The following PRRC2C variants were observed in gnomAD, a reference collection of about 807,000 sequenced individuals.
The protein encoded by PRRC2C is protein PRRC2C.
PRRC2C carries 72 observed loss-of-function variants against 317.2 expected under a neutral mutation model. The ratio of observed to expected loss-of-function variants is 0.23; its 90% confidence interval spans 0.19 to 0.28. The LOEUF (loss-of-function observed/expected upper bound fraction) is 0.28, where lower values mean the gene tolerates loss of function less well. Ranked by LOEUF, PRRC2C falls within the 10% of genes least tolerant of loss-of-function variation. The probability of loss-of-function intolerance (pLI) is 1.00; values close to 1 mark genes in which losing one functional copy is unlikely to be tolerated. For missense variants in PRRC2C, 3,074 were observed against 3,459.7 expected (o/e 0.89, Z 2.80); for synonymous variants, 1,296 against 1,205.9 (o/e 1.07, Z -1.55).
At chr1:171,569,595 G>GATATATATATATATATATATATATATT (rs1558024246) in intron 23 of PRRC2C, among the ~76,000 whole-genome samples, 1 of 25,598 alleles carries the variant, frequency 3.9e-5, no homozygotes, top group Non-Finnish European at 9.1e-5. Flanking sequence ...TATATATATG[G>GATATATATATATATATATATATATATT]TTTTTTTTTT....
At chr1:171,563,430 A>G (rs1052536787) in intron 20 of PRRC2C, among the ~76,000 whole-genome samples, 2 of 152,182 alleles carry the variant, frequency 1.3e-5, no homozygotes, top group African/African-American at 4.8e-5. Context: ...ACAACCATTT[A>G]TAATTTTTTT....
At position 171,566,809 on chromosome 1, in the gene PRRC2C, C is replaced by T. The variant is rs1162590172; in HGVS notation, c.6524C>T (p.Ser2175Leu). ...TCTACTGAAATAGGAACAATGATCT[C>T]GGTATCATCTGCAGAATATGGTACT... is the stretch of plus-strand genomic sequence containing the variant. ...EMSTEIGTMI[S>L]VSSAEYGTNA... The change falls in exon 22 of 35, where the codon TCG (serine) becomes TTG (leucine). Residue 2175 changes from serine (S) to leucine (L), a missense_variant. By Grantham distance (145) the Ser-to-Leu change is moderately radical. Coordinates refer to ENST00000647382, the MANE Select transcript of PRRC2C (RefSeq NM_001387844.1). The T allele has an allele frequency of 4.3e-6, 7 of 1,613,422 alleles. No homozygotes were observed. The highest frequency in any genetic ancestry group is 3.4e-6 in the Non-Finnish European group (4 of 1,179,814).
chr1:171,571,693 A>G (rs1400049389), intron 24 of PRRC2C, among the ~76,000 whole-genome samples: 1 of 152,134 alleles, frequency 6.6e-6, no homozygotes, highest in Non-Finnish European at 1.5e-5. Flanking sequence ...TGTTTGTGTT[A>G]AGTTCCTCCC....
intron 24 of PRRC2C, among the ~76,000 whole-genome samples, chr1:171,572,787 G>A (rs1685006944): frequency 6.6e-6 from 1 of 152,126 alleles, no homozygotes; most frequent in African/African-American, 2.4e-5. Context: ...TTTTAAGCCA[G>A]TATTTATTTC....
chr1:171,518,661 C>CT (rs386368727), intron 6 of PRRC2C, among the ~76,000 whole-genome samples: 9,265 of 58,076 alleles, frequency 0.16, 1,355 homozygotes, highest in Middle Eastern at 0.31. Context: ...CCACACCTGG[C>CT]TTTTTTTTTT....
At chr1:171,553,921 TAGTG>T (rs1228814964) in intron 18 of PRRC2C, among the ~76,000 whole-genome samples, 1 of 152,220 alleles carries the variant, frequency 6.6e-6, no homozygotes, top group East Asian at 1.9e-4. Context: ...TGTGATGTGA[TAGTG>T]AGAAGAATGT....
At chr1:171,545,964 A>G (rs971280714) in intron 17 of PRRC2C, among the ~76,000 whole-genome samples, 17 of 152,338 alleles carry the variant, frequency 1.1e-4, no homozygotes, top group Admixed American at 6.5e-4. Flanking sequence ...AAAGAGGAAG[A>G]AAATTCAGTA....
chr1:171,503,517 C>A (rs2102161726), intron 1 of PRRC2C, among the ~76,000 whole-genome samples: 1 of 150,916 alleles, frequency 6.6e-6, no homozygotes, highest in Non-Finnish European at 1.5e-5. Context: ...GAGTGAGACT[C>A]CATCTCAAAA....
In PRRC2C at chr1:171,561,014, C is replaced by G. The variant is rs755311567; in HGVS notation, c.6032-4C>G. The G allele has an allele frequency of 1.3e-6, 2 of 1,579,786 alleles. No homozygotes were observed. The highest frequency in any genetic ancestry group is 3.3e-5 in the Admixed American group (2 of 59,956). ...TCATGTTTTTTATGGCTTCTTCTTT[C>G]CAGTAGGTCCCATTAGTCCACCACA... On this transcript the variant is annotated splice_polypyrimidine_tract_variant and splice_region_variant and intron_variant, in intron 19 of 34. Coordinates refer to ENST00000647382, the MANE Select transcript of PRRC2C (RefSeq NM_001387844.1).
intron 6 of PRRC2C, among the ~76,000 whole-genome samples, chr1:171,520,270 G>A (rs73038387): frequency 0.027 from 4,064 of 152,090 alleles, 187 homozygotes; most frequent in African/African-American, 0.094. Context: ...GCCATTAAAC[G>A]TTTTCCTAAA....
At chr1:171,517,528 G>T in intron 5 of PRRC2C, 63 bp from the exon 6 acceptor site, 2 of 1,414,326 alleles carry the variant, frequency 1.4e-6, no homozygotes, top group Non-Finnish European at 2.0e-6. Flanking sequence ...AATACATTTT[G>T]GTTTCACTTT....
chr1:171,490,972 A>C (rs1667041082), intron 1 of PRRC2C, among the ~76,000 whole-genome samples: 1 of 152,196 alleles, frequency 6.6e-6, no homozygotes, highest in South Asian at 2.1e-4. Context: ...GATAATATCC[A>C]TTTCCCCTAT....
intron 10 of PRRC2C, 151 bp from the exon 11 acceptor site, chr1:171,527,640 C>G: frequency 1.7e-6 from 1 of 581,068 alleles, no homozygotes; most frequent in South Asian, 2.2e-5. Flanking sequence ...CCTGTAATCC[C>G]AGGTATTTAG....
At chr1:171,543,536 G>T (rs1678424470) in intron 16 of PRRC2C, among the ~76,000 whole-genome samples, 1 of 152,106 alleles carries the variant, frequency 6.6e-6, no homozygotes, top group South Asian at 2.1e-4. Context: ...TACTTGTGAT[G>T]CACTTAATAC....
At chr1:171,545,902 T>G (rs932969776) in intron 17 of PRRC2C, among the ~76,000 whole-genome samples, 2 of 152,116 alleles carry the variant, frequency 1.3e-5, no homozygotes, top group Non-Finnish European at 2.9e-5. Flanking sequence ...CTTGAATGCT[T>G]AATAAAATTT....
intron 1 of PRRC2C, among the ~76,000 whole-genome samples, chr1:171,489,512 A>G (rs1195036863): frequency 6.6e-6 from 1 of 152,256 alleles, no homozygotes; most frequent in Non-Finnish European, 1.5e-5. Flanking sequence ...ACAGAAAATT[A>G]CAGATAGTAC....
intron 1 of PRRC2C, among the ~76,000 whole-genome samples, 153 bp downstream of exon 1, chr1:171,485,888 C>T (rs1004611911): frequency 1.3e-5 from 2 of 152,102 alleles, no homozygotes; most frequent in Non-Finnish European, 2.9e-5. Context: ...CATTTCCCTT[C>T]TGTTTGGTTA....
At chr1:171,568,200 A>T (rs777171847) in intron 22 of PRRC2C, 47 bp from the exon 23 acceptor site, 1 of 1,530,232 alleles carries the variant, frequency 6.5e-7, no homozygotes, top group South Asian at 1.2e-5. Flanking sequence ...AGAAGTGAGC[A>T]ATTAATTCAG....
rs1477083623 is a variant in PRRC2C, at chr1:171,512,530, TA to T, written c.112+332del. The T allele has an allele frequency of 1.1e-5, 3 of 281,782 alleles. No individual in the cohort carries two copies. The East Asian group carries it at 2.6e-4, about 24-fold the overall frequency. The allele number at this position is 281,782 out of a possible 1,614,324, so 17.5% of individuals were successfully genotyped here. A position where few individuals can be genotyped will look rare whatever the true frequency, so the allele number is the denominator to read the frequency against. On this transcript the variant is annotated intron_variant, in intron 2 of 34. Transcript: ENST00000647382. ...TATTAGTGGGAATTTAGTATCTTTT[TA>T]ATTATAGACTAGAGAAAGTCTTATG...
Sources: allele counts gnomAD v4.1 joint callset (sites outside exome capture counted in the v4.1 genomes callset), GRCh38; gene constraint gnomAD v4.1.1; transcripts MANE v1.5; gene names NCBI Gene and HGNC (gene_info 2026-07-23, HGNC 2026-07-21).